Variants in HPSE2 observed in about 807,000 individuals in gnomAD.
HPSE2 encodes inactive heparanase-2.
HPSE2 carries 38 observed loss-of-function variants against 60.5 expected under a neutral mutation model. The ratio of observed to expected loss-of-function variants is 0.63; its 90% CI spans 0.48 to 0.82. The LOEUF (loss-of-function observed/expected upper bound fraction) is 0.82, where lower values mean the gene tolerates loss of function less well. Among genes scored for constraint, HPSE2 ranks in the 40% least tolerant of loss-of-function variants. The probability of loss-of-function intolerance (pLI) is 0.00; values close to 1 mark genes in which losing one functional copy is unlikely to be tolerated. For synonymous variants in HPSE2, 295 were observed against 293.2 expected, an observed-to-expected ratio of 1.01 and a Z score of -0.06; for missense variants, 713 against 740.4, an observed-to-expected ratio of 0.96 and a Z score of 0.43.
At chr10:98,870,921 T>C (rs1222560542) in intron 3 of HPSE2, among the ~76,000 whole-genome samples, 1 of 144,588 alleles carries the variant, frequency 6.9e-6, no homozygotes, top group Non-Finnish European at 1.5e-5. Flanking sequence ...TCACTCTGAG[T>C]TCACAGTGAT....
chr10:98,637,396 A>C (rs894706210), intron 7 of HPSE2, among the ~76,000 whole-genome samples: 1 of 152,242 alleles, frequency 6.6e-6, no homozygotes, highest in African/African-American at 2.4e-5. Flanking sequence ...CTCTAGTCAC[A>C]GAAATTATTA....
chr10:99,307,735 T>C, the HPSE2 span, among the ~76,000 whole-genome samples: 2 of 152,054 alleles, frequency 1.3e-5, no homozygotes, highest in African/African-American at 2.4e-5. Flanking sequence ...GGTATGCCCT[T>C]GACCCTGATT....
intron 9 of HPSE2, among the ~76,000 whole-genome samples, chr10:98,495,082 A>G (rs536088853): frequency 7.2e-5 from 11 of 152,046 alleles, no homozygotes; most frequent in Non-Finnish European, 1.6e-4. Flanking sequence ...TCATCACAAA[A>G]TCTCTCAGCT....
rs191139754 is a variant in HPSE2, at chr10:98,531,736, A to G, written c.1321-41540T>C. On this transcript the variant is annotated intron_variant, in intron 9 of 11. Transcript: ENST00000370552. ...TATCCTGTGACATAAGAAAGACAGT[A>G]GCTATTTTTCTGGATATCTAAGGTG... 6.6e-5 allele frequency among the ~76,000 whole-genome samples: 10 copies of G among 152,070 alleles called. No homozygotes were observed. The East Asian group carries it at 1.9e-3, about 29-fold the overall frequency.
intron 3 of HPSE2, among the ~76,000 whole-genome samples, chr10:99,024,877 G>T (rs1271555198): frequency 1.3e-5 from 2 of 152,072 alleles, no homozygotes; most frequent in African/African-American, 4.8e-5. Flanking sequence ...AAAGCTGAGG[G>T]ATTTCACCAA....
intron 7 of HPSE2, among the ~76,000 whole-genome samples, chr10:98,622,376 A>G (rs973355711): frequency 2.0e-5 from 3 of 152,220 alleles, no homozygotes; most frequent in African/African-American, 7.2e-5. Flanking sequence ...AATTAAAACA[A>G]AAACAAGACC....
chr10:98,475,638 G>C (rs892779600), intron 11 of HPSE2, among the ~76,000 whole-genome samples: 5 of 152,112 alleles, frequency 3.3e-5, no homozygotes, highest in African/African-American at 1.2e-4. Context: ...TGTATATGGG[G>C]CGGGAATATA....
At chr10:98,793,911 C>T (rs1365349046) in intron 3 of HPSE2, among the ~76,000 whole-genome samples, 1 of 152,114 alleles carries the variant, frequency 6.6e-6, no homozygotes, top group African/African-American at 2.4e-5. Flanking sequence ...AAGGAAGTGG[C>T]AGGTAGGATA....
intron 3 of HPSE2, among the ~76,000 whole-genome samples, chr10:98,997,681 C>A (rs1956680928): frequency 6.6e-6 from 1 of 152,140 alleles, no homozygotes; most frequent in African/African-American, 2.4e-5. Flanking sequence ...TACAAACCTT[C>A]AAAACAGATT....
At chr10:98,545,440 A>C (rs549633627) in intron 9 of HPSE2, among the ~76,000 whole-genome samples, 2 of 152,338 alleles carry the variant, frequency 1.3e-5, no homozygotes, top group Non-Finnish European at 2.9e-5. Flanking sequence ...GCAGCACATC[A>C]AAAAGCTTAT....
chr10:98,575,464 C>A (rs547755014), intron 9 of HPSE2, among the ~76,000 whole-genome samples: 2 of 152,226 alleles, frequency 1.3e-5, no homozygotes, highest in South Asian at 4.1e-4. Flanking sequence ...TGAAGTCAAA[C>A]GGTGAATTTG....
At chr10:99,035,159 A>G (rs543429383) in intron 3 of HPSE2, among the ~76,000 whole-genome samples, 1 of 152,358 alleles carries the variant, frequency 6.6e-6, no homozygotes, top group South Asian at 2.1e-4. Context: ...ATAAACTTTT[A>G]CATTTTTCTA....
At chr10:99,265,139 C>T in the HPSE2 span, among the ~76,000 whole-genome samples, 2 of 152,170 alleles carry the variant, frequency 1.3e-5, no homozygotes, top group African/African-American at 4.8e-5. Context: ...TGATTTGTTC[C>T]TGCCGCACCC....
At chr10:98,610,312 A>G (rs1432030691) in intron 9 of HPSE2, among the ~76,000 whole-genome samples, 3 of 152,306 alleles carry the variant, frequency 2.0e-5, no homozygotes, top group East Asian at 3.9e-4. Flanking sequence ...AGCATCTAGG[A>G]TCTTGTCCTA....
chr10:98,489,169 G>T (rs550133790), intron 10 of HPSE2, among the ~76,000 whole-genome samples: 141 of 152,308 alleles, frequency 9.3e-4, no homozygotes, highest in African/African-American at 3.1e-3. Context: ...GAAAGAGAAA[G>T]AATTATATTT....
intron 3 of HPSE2, among the ~76,000 whole-genome samples, chr10:98,991,373 A>C (rs1268254162): frequency 2.6e-5 from 4 of 152,192 alleles, no homozygotes; most frequent in African/African-American, 9.7e-5. Flanking sequence ...TGAGGGAAGA[A>C]ATTTTCAAGC....
chr10:98,852,074 C>T (rs1952186378), intron 3 of HPSE2, among the ~76,000 whole-genome samples: 1 of 146,594 alleles, frequency 6.8e-6, no homozygotes, highest in Non-Finnish European at 1.5e-5. Context: ...AAAAACTAAT[C>T]CTCTTTACAG....
At chr10:98,925,122 T>TA (rs1480258498) in intron 3 of HPSE2, among the ~76,000 whole-genome samples, 7 of 152,346 alleles carry the variant, frequency 4.6e-5, no homozygotes, top group African/African-American at 1.4e-4. Context: ...TCAGTGATTC[T>TA]AAAGTATCTC....
In HPSE2 at chr10:98,841,830, G is replaced by A. The variant is rs372340200; in HGVS notation, c.611-97774C>T. ...GTAATTTTTTTTTTTTTTTTGAGACGAAGTCTTGCTCTGTCACCCAGGCTG... is the reference window on the plus strand; with the variant it reads ...GTAATTTTTTTTTTTTTTTTGAGACAAAGTCTTGCTCTGTCACCCAGGCTG... On this transcript the variant is annotated intron_variant, in intron 3 of 11. Coordinates refer to ENST00000370552, the MANE Select transcript of HPSE2 (RefSeq NM_021828.5). Among the ~76,000 whole-genome samples, 113 of 145,298 alleles carry A rather than the reference G, an allele frequency of 7.8e-4. 1 individual carries two copies. Among genetic ancestry groups the A allele is most frequent in the African/African-American group, 2.8e-3 (108 of 39,240 alleles).
Sources: gnomAD v4.1 joint callset for allele counts (sites outside exome capture counted in the v4.1 genomes callset) on GRCh38, gnomAD v4.1.1 for gene constraint, MANE v1.5 for transcripts, NCBI Gene and HGNC (gene_info 2026-07-23, HGNC 2026-07-21) for gene names.